Variants in PPFIA2 observed in about 807,000 individuals in gnomAD.
PPFIA2 encodes PPFI scaffold protein A2.
PPFIA2 carries 46 observed loss-of-function variants against 175.5 expected under a neutral mutation model. That is an observed-to-expected ratio of 0.26 (90% confidence interval 0.21 to 0.34). The LOEUF (loss-of-function observed/expected upper bound fraction) is 0.34. PPFIA2 is among the 10% of genes least tolerant of loss of function. The pLI is 1.00. For missense variants in PPFIA2, 1,179 were observed against 1,506.1 expected (o/e 0.78, Z 3.60); for synonymous variants, 568 against 511.4 (o/e 1.11, Z -1.49).
intron 4 of PPFIA2, among the ~76,000 whole-genome samples, chr12:81,548,130 A>G (rs1478747846): frequency 6.6e-6 from 1 of 152,180 alleles, no homozygotes; most frequent in Non-Finnish European, 1.5e-5. Context: ...TAATTTTTCC[A>G]AAGTCTATAT....
At chr12:81,326,683 T>G (rs2054849036) in intron 21 of PPFIA2, among the ~76,000 whole-genome samples, 1 of 152,080 alleles carries the variant, frequency 6.6e-6, no homozygotes. Flanking sequence ...ATTTCTAAAC[T>G]TACAAAATTA....
chr12:81,584,858 A>T (rs2074966227), intron 4 of PPFIA2, among the ~76,000 whole-genome samples: 1 of 120,622 alleles, frequency 8.3e-6, no homozygotes, highest in Admixed American at 1.1e-4. Flanking sequence ...TTATAAATAT[A>T]ATATAATTAT....
intron 4 of PPFIA2, among the ~76,000 whole-genome samples, chr12:81,500,358 C>T (rs1322049682): frequency 1.3e-5 from 2 of 152,142 alleles, no homozygotes; most frequent in African/African-American, 2.4e-5. Context: ...TAGTAAAGTG[C>T]TTGGAACACA....
intron 4 of PPFIA2, among the ~76,000 whole-genome samples, chr12:81,673,243 C>T (rs1698915023): frequency 1.3e-5 from 2 of 152,028 alleles, no homozygotes; most frequent in African/African-American, 4.8e-5. Flanking sequence ...TACAGCTCTC[C>T]AGATAGCAGG....
chr12:81,744,981 C>T lies in PPFIA2; in HGVS notation c.249+8992G>A, dbSNP rs181917976. Reference sequence around the variant, plus strand: ...ATAACAACAGCCTCATTGGAATGTTCGGAATATTAATTGAGATGATACCTC... The same window carrying T: ...ATAACAACAGCCTCATTGGAATGTTTGGAATATTAATTGAGATGATACCTC... On this transcript the variant is annotated intron_variant, in intron 3 of 32. Transcript: ENST00000549396. Among the ~76,000 whole-genome samples the T allele has an allele frequency of 1.8e-3, 274 of 151,856 alleles. 1 individual carries two copies. Among genetic ancestry groups the T allele is most frequent in the African/African-American group, 6.3e-3 (260 of 41,218 alleles).
chr12:81,485,065 A>C (rs2146843063), intron 4 of PPFIA2, among the ~76,000 whole-genome samples: 1 of 152,004 alleles, frequency 6.6e-6, no homozygotes, highest in South Asian at 2.1e-4. Context: ...TTAATGATTC[A>C]AATTATTTTT....
intron 3 of PPFIA2, among the ~76,000 whole-genome samples, chr12:81,681,113 A>G (rs1311937604): frequency 6.6e-6 from 1 of 152,046 alleles, no homozygotes; most frequent in African/African-American, 2.4e-5. Context: ...GTAGAAGTGT[A>G]GCAAGCACCT....
intron 4 of PPFIA2, among the ~76,000 whole-genome samples, chr12:81,548,086 C>T (rs1022348468): frequency 4.6e-5 from 7 of 152,086 alleles, no homozygotes; most frequent in Admixed American, 6.6e-5. Context: ...TACTATATAT[C>T]GTAATTTCCA....
In PPFIA2 at chr12:81,687,341, C is replaced by T. The variant is rs1447995513; in HGVS notation, c.250-10497G>A. On this transcript the variant is annotated intron_variant, in intron 3 of 32. Transcript: ENST00000549396. Reference sequence around the variant, plus strand: ...CTTATCATAATGAATCCTGCACTTCCTTATTGTGACAAGTGTTTTCTTTTA... The same window carrying T: ...CTTATCATAATGAATCCTGCACTTCTTTATTGTGACAAGTGTTTTCTTTTA... The T allele has an allele frequency of 2.0e-5, 3 of 152,164 alleles. No individual in the cohort carries two copies. The East Asian group carries it at 5.8e-4, about 30-fold the overall frequency. 9.4% of individuals were successfully genotyped at this position (152,164 alleles called of 1,614,324 possible).
At chr12:81,289,647 T>C (rs1178485229) in intron 24 of PPFIA2, among the ~76,000 whole-genome samples, 1 of 151,814 alleles carries the variant, frequency 6.6e-6, no homozygotes, top group Non-Finnish European at 1.5e-5. Context: ...AGTCGTCACT[T>C]TAAAAAGAAA....
At chr12:81,451,555 ATTAATG>A (rs2052588451) in intron 5 of PPFIA2, among the ~76,000 whole-genome samples, 1 of 152,200 alleles carries the variant, frequency 6.6e-6, no homozygotes, top group East Asian at 1.9e-4. Flanking sequence ...ATATGCTTTA[ATTAATG>A]TCTTTATTTA....
chr12:81,578,747 A>G (rs979215405), intron 4 of PPFIA2, among the ~76,000 whole-genome samples: 8 of 151,802 alleles, frequency 5.3e-5, no homozygotes, highest in African/African-American at 1.9e-4. Context: ...CATGGTTAGT[A>G]AATGGTAGCA....
At chr12:81,429,003 A>AAAAC (rs1461854668) in intron 7 of PPFIA2, among the ~76,000 whole-genome samples, 1 of 152,084 alleles carries the variant, frequency 6.6e-6, no homozygotes. Context: ...AATTGTTAAT[A>AAAAC]AAACAAACAA....
At chr12:81,496,742 C>A (rs2060068729) in intron 4 of PPFIA2, among the ~76,000 whole-genome samples, 1 of 152,112 alleles carries the variant, frequency 6.6e-6, no homozygotes, top group African/African-American at 2.4e-5. Context: ...AGAAATAAAA[C>A]TGAAGGAATA....
chr12:81,574,344 C>T (rs2073116233), intron 4 of PPFIA2, among the ~76,000 whole-genome samples: 1 of 151,678 alleles, frequency 6.6e-6, no homozygotes, highest in African/African-American at 2.4e-5. Flanking sequence ...TACTTGAGTA[C>T]TAAAATTACA....
intron 4 of PPFIA2, among the ~76,000 whole-genome samples, chr12:81,568,879 C>T (rs1595064755): frequency 6.6e-6 from 1 of 152,042 alleles, no homozygotes; most frequent in Middle Eastern, 3.4e-3. Flanking sequence ...TAAAACAATT[C>T]AGATTAATTT....
At chr12:81,543,661 A>AT (rs540543909) in intron 4 of PPFIA2, among the ~76,000 whole-genome samples, 111 of 152,262 alleles carry the variant, frequency 7.3e-4, no homozygotes, top group South Asian at 1.7e-3. Flanking sequence ...TGGAAGTGGA[A>AT]TGAGTTCACA....
chr12:81,562,156 C>T (rs2070240462), intron 4 of PPFIA2, among the ~76,000 whole-genome samples: 1 of 151,860 alleles, frequency 6.6e-6, no homozygotes, highest in South Asian at 2.1e-4. Flanking sequence ...TTGTCTGTTG[C>T]TAAGCATTCC....
rs1566759465 is a variant in PPFIA2, at chr12:81,422,154, G to GTATATATATGTGTATATATATGTGTGTA, written c.646-16252_646-16251insTACACACATATATATACACATATATATA. Among the ~76,000 whole-genome samples, 79 of 70,616 alleles carry GTATATATATGTGTATATATATGTGTGTA rather than the reference G, an allele frequency of 1.1e-3. 1 individual carries two copies. Among genetic ancestry groups the GTATATATATGTGTATATATATGTGTGTA allele is most frequent in the Admixed American group, 2.8e-3 (18 of 6,490 alleles). The allele number at this position is 70,616 out of a possible 152,430, so 46.3% of individuals were successfully genotyped here. The stretch of plus-strand genomic sequence containing the variant: ...TATATATATGTGTATATATATGTGT[G>GTATATATATGTGTATATATATGTGTGTA]TATATATATATATATATATGTCATT... On this transcript the variant is annotated intron_variant, in intron 7 of 32. Transcript: ENST00000549396.
Sources: gnomAD v4.1 joint callset for allele counts (sites outside exome capture counted in the v4.1 genomes callset) on GRCh38, gnomAD v4.1.1 for gene constraint, MANE v1.5 for transcripts, NCBI Gene and HGNC (gene_info 2026-07-23, HGNC 2026-07-21) for gene names.